Variants in MLLT10 observed in about 807,000 individuals in gnomAD.
MLLT10 encodes protein AF-10.
Under a neutral mutation model 129.1 loss-of-function variants are expected in MLLT10, and 30 were observed. That is an observed-to-expected ratio of 0.23 (90% CI 0.17 to 0.32). MLLT10 has a LOEUF of 0.32. Among genes scored for constraint, MLLT10 ranks in the 10% least tolerant of loss-of-function variants. The pLI is 1.00. For missense variants in MLLT10, 1,119 were observed against 1,268.3 expected, an observed-to-expected ratio of 0.88 and a Z score of 1.79; for synonymous variants, 490 against 446.4, an observed-to-expected ratio of 1.10 and a Z score of -1.23.
intron 5 of MLLT10, among the ~76,000 whole-genome samples, chr10:21,610,271 A>T (rs996616744): frequency 6.6e-6 from 1 of 152,160 alleles, no homozygotes; most frequent in Non-Finnish European, 1.5e-5. Context: ...AATGGGAGCT[A>T]CCAGGTCTGA....
At chr10:21,584,777 GTA>G (rs955822033) in intron 3 of MLLT10, among the ~76,000 whole-genome samples, 8 of 151,268 alleles carry the variant, frequency 5.3e-5, no homozygotes, top group African/African-American at 1.7e-4. Flanking sequence ...AAGTATGTGT[GTA>G]TGTGTGTATA....
At chr10:21,536,941 G>C (rs1162376038) in intron 2 of MLLT10, among the ~76,000 whole-genome samples, 1 of 151,888 alleles carries the variant, frequency 6.6e-6, no homozygotes, top group Non-Finnish European at 1.5e-5. Context: ...GGACCACCAT[G>C]CCCTGCTAAT....
At chr10:21,572,035 C>T (rs2040260423) in intron 3 of MLLT10, 1 of 152,124 alleles carries the variant, frequency 6.6e-6, no homozygotes, top group South Asian at 2.1e-4. Flanking sequence ...AGGTAATTTC[C>T]TTTATTTCCT....
chr10:21,561,634 C>T (rs1485919425), intron 3 of MLLT10, among the ~76,000 whole-genome samples: 1 of 152,172 alleles, frequency 6.6e-6, no homozygotes, highest in Admixed American at 6.6e-5. Context: ...TAAGTGTCCA[C>T]CTACATTCTT....
At chr10:21,566,074 TC>T (rs1179760299) in intron 3 of MLLT10, among the ~76,000 whole-genome samples, 1 of 147,410 alleles carries the variant, frequency 6.8e-6, no homozygotes, top group African/African-American at 2.5e-5. Context: ...TGACTCAGCC[TC>T]CAGAGTAGCT....
Position 21,707,261 on chromosome 10 carries a change from C to T in MLLT10, c.1700-6511C>T, listed in dbSNP as rs1376797668. ...AGGCTGGAGTGCAGTGGCGCGATCT[C>T]GACTCACTGCAAGCTCCGCCTCCCG... On this transcript the variant is annotated intron_variant, in intron 13 of 22. Transcript: ENST00000307729. Among the ~76,000 whole-genome samples, 13 of 146,950 alleles carry T rather than the reference C, an allele frequency of 8.8e-5. No homozygotes were observed. In the East Asian group the frequency reaches 2.4e-3, roughly 27 times the overall value.
At chr10:21,737,718 AGGGCAGGCCTGGCCCTGT>A (rs2058490537) in intron 21 of MLLT10, among the ~76,000 whole-genome samples, 1 of 152,120 alleles carries the variant, frequency 6.6e-6, no homozygotes, top group Non-Finnish European at 1.5e-5. Flanking sequence ...GCTCAGGTGC[AGGGCAGGCCTGGCCCTGT>A]GGACAGTCGT....
At chr10:21,732,823 G>T in intron 17 of MLLT10, 76 bp from the exon 18 acceptor site, 1 of 1,164,572 alleles carries the variant, frequency 8.6e-7, no homozygotes, top group Non-Finnish European at 1.2e-6. Context: ...TATTTCTAAG[G>T]TTACCGGCAC....
At chr10:21,735,104 T>C (rs376490615) in intron 20 of MLLT10, 35 bp from the exon 21 acceptor site, 7 of 1,460,230 alleles carry the variant, frequency 4.8e-6, no homozygotes, top group Non-Finnish European at 6.7e-6. Context: ...ATTAGAGGTG[T>C]GTAGTAAAAA....
chr10:21,550,900 A>T (rs2036892042), intron 3 of MLLT10, among the ~76,000 whole-genome samples: 1 of 151,090 alleles, frequency 6.6e-6, no homozygotes, highest in South Asian at 2.1e-4. Context: ...ATAATTAAAA[A>T]TTGTTTTCAG....
At chr10:21,733,657 T>C in intron 19 of MLLT10, 65 bp downstream of exon 19, 3 of 1,462,894 alleles carry the variant, frequency 2.1e-6, no homozygotes, top group Non-Finnish European at 2.7e-6. Flanking sequence ...TATTAAATGG[T>C]TTAAAATTAT....
At chr10:21,534,558 G>T (rs1218328576) in intron 1 of MLLT10, 38 bp downstream of exon 1, 23 of 1,392,364 alleles carry the variant, frequency 1.7e-5, no homozygotes, top group Non-Finnish European at 2.1e-5. Flanking sequence ...GGCGGGGGGC[G>T]CCGGGGCGGG....
At chr10:21,718,064 C>T (rs1365533289) in intron 14 of MLLT10, among the ~76,000 whole-genome samples, 1 of 152,072 alleles carries the variant, frequency 6.6e-6, no homozygotes, top group African/African-American at 2.4e-5. Context: ...AGGCTGGTCT[C>T]GAACTCCAGA....
chr10:21,651,911 T>C (rs1007390043), intron 9 of MLLT10, 143 bp downstream of exon 9: 2 of 517,208 alleles, frequency 3.9e-6, no homozygotes, highest in Middle Eastern at 5.2e-4. Flanking sequence ...TTCTTTTTTT[T>C]TTTTTTTTTT....
chr10:21,619,151 A>G (rs936279831), intron 8 of MLLT10, among the ~76,000 whole-genome samples: 3 of 152,044 alleles, frequency 2.0e-5, no homozygotes, highest in Admixed American at 1.3e-4. Flanking sequence ...TGACGGTAGT[A>G]GGAGCCTGTC....
intron 21 of MLLT10, among the ~76,000 whole-genome samples, chr10:21,736,733 A>G (rs575576084): frequency 6.6e-6 from 1 of 152,340 alleles, no homozygotes; most frequent in Non-Finnish European, 1.5e-5. Context: ...TGGACACACT[A>G]AGCTTGAAAT....
chr10:21,549,659 CTTTTTTTTTTTT>C (rs11374255), intron 3 of MLLT10, among the ~76,000 whole-genome samples: 2 of 121,982 alleles, frequency 1.6e-5, no homozygotes, highest in African/African-American at 6.2e-5. Context: ...GAGTTGTACT[CTTTTTTTTTTTT>C]TTTTTTTTGA....
intron 13 of MLLT10, among the ~76,000 whole-genome samples, chr10:21,691,193 A>G (rs1380959802): frequency 6.6e-6 from 1 of 152,118 alleles, no homozygotes; most frequent in Non-Finnish European, 1.5e-5. Context: ...GTATTTCACT[A>G]CTTTGCAGCT....
chr10:21,672,376 C>T (rs975106103), intron 10 of MLLT10, among the ~76,000 whole-genome samples: 8 of 152,016 alleles, frequency 5.3e-5, no homozygotes, highest in African/African-American at 9.7e-5. Flanking sequence ...CACAAGCATG[C>T]GTCACCATGC....
Sources: allele counts gnomAD v4.1 joint callset (sites outside exome capture counted in the v4.1 genomes callset), GRCh38; gene constraint gnomAD v4.1.1; transcripts MANE v1.5; gene names NCBI Gene and HGNC (gene_info 2026-07-23, HGNC 2026-07-21).